The following CACNA2D3 variants were observed in gnomAD, a reference collection of about 807,000 sequenced individuals.
CACNA2D3 encodes the protein calcium voltage-gated channel auxiliary subunit alpha2delta 3.
CACNA2D3 carries 60 observed loss-of-function variants against 160.6 expected under a neutral mutation model. That is an observed-to-expected ratio of 0.37 (90% CI 0.30 to 0.46). The LOEUF (loss-of-function observed/expected upper bound fraction) is 0.46. Among genes scored for constraint, CACNA2D3 ranks in the 20% least tolerant of loss-of-function variants. The pLI is 1.00. For missense variants in CACNA2D3, 1,205 were observed against 1,365.0 expected (o/e 0.88, Z 1.85); for synonymous variants, 558 against 492.9 (o/e 1.13, Z -1.75).
chr3:54,793,405 G>A (rs575368739), intron 13 of CACNA2D3, among the ~76,000 whole-genome samples: 82 of 152,290 alleles, frequency 5.4e-4, no homozygotes, highest in Non-Finnish European at 8.5e-4. Context: ...CCCAGAATTC[G>A]TGGCTGTTTG....
intron 3 of CACNA2D3, among the ~76,000 whole-genome samples, chr3:54,359,706 C>T (rs1698710163): frequency 6.6e-6 from 1 of 152,194 alleles, no homozygotes; most frequent in African/African-American, 2.4e-5. Flanking sequence ...TCTCAGATGT[C>T]TTGCAGTAAA....
At chr3:54,588,642 T>A (rs1702806270) in intron 9 of CACNA2D3, among the ~76,000 whole-genome samples, 1 of 152,094 alleles carries the variant, frequency 6.6e-6, no homozygotes, top group Admixed American at 6.6e-5. Context: ...CCATCCTATT[T>A]CTCTACCTTA....
At chr3:54,159,924 A>T (rs965462079) in intron 2 of CACNA2D3, among the ~76,000 whole-genome samples, 1 of 152,246 alleles carries the variant, frequency 6.6e-6, no homozygotes, top group African/African-American at 2.4e-5. Context: ...AACATACTAC[A>T]AACATCCAGA....
intron 9 of CACNA2D3, among the ~76,000 whole-genome samples, chr3:54,597,677 G>A (rs894363855): frequency 6.6e-6 from 1 of 152,028 alleles, no homozygotes; most frequent in African/African-American, 2.4e-5. Flanking sequence ...TTGGGGAGAA[G>A]GTGAAAAATA....
chr3:54,582,479 A>C (rs1303054785), intron 9 of CACNA2D3, among the ~76,000 whole-genome samples: 1 of 152,238 alleles, frequency 6.6e-6, no homozygotes, highest in Non-Finnish European at 1.5e-5. Context: ...ACTTCTGTAA[A>C]ATAAATCCTG....
At chr3:54,700,071 A>G (rs1700739296) in intron 11 of CACNA2D3, among the ~76,000 whole-genome samples, 1 of 152,164 alleles carries the variant, frequency 6.6e-6, no homozygotes. Flanking sequence ...TTTATTATCT[A>G]CGTGCACTAC....
At chr3:55,067,101 C>CGGG (rs569501820) in intron 35 of CACNA2D3, among the ~76,000 whole-genome samples, 2,448 of 150,362 alleles carry the variant, frequency 0.016, 68 homozygotes, top group African/African-American at 0.057. Context: ...TCTTTTGTAG[C>CGGG]GGGGGGGGCT....
chr3:54,309,160 A>G (rs1373454639), intron 2 of CACNA2D3, among the ~76,000 whole-genome samples: 1 of 152,206 alleles, frequency 6.6e-6, no homozygotes, highest in African/African-American at 2.4e-5. Flanking sequence ...CAGGAATTGG[A>G]GTTTTTAAAA....
chr3:54,338,620 T>C (rs7652209), intron 3 of CACNA2D3, among the ~76,000 whole-genome samples: 101,296 of 151,770 alleles, frequency 0.67, 34,289 homozygotes, highest in Non-Finnish European at 0.74. Flanking sequence ...CCCAGCATGC[T>C]GTCCAAAGGG....
chr3:54,885,079 A>G (rs1699890082), intron 21 of CACNA2D3, among the ~76,000 whole-genome samples: 1 of 152,098 alleles, frequency 6.6e-6, no homozygotes, highest in African/African-American at 2.4e-5. Flanking sequence ...GGGCTGAGTG[A>G]GGTAGAGATG....
chr3:54,549,921 T>C (rs1483194702), intron 5 of CACNA2D3, among the ~76,000 whole-genome samples: 1 of 152,180 alleles, frequency 6.6e-6, no homozygotes, highest in Non-Finnish European at 1.5e-5. Flanking sequence ...TAAATTTCTT[T>C]CTCTCTTCCG....
At chr3:54,547,671 CCTT>C (rs1702086346) in intron 5 of CACNA2D3, among the ~76,000 whole-genome samples, 1 of 114,790 alleles carries the variant, frequency 8.7e-6, no homozygotes. Flanking sequence ...CTCCCCCAAC[CCTT>C]TTTTTTTTTT....
intron 2 of CACNA2D3, among the ~76,000 whole-genome samples, chr3:54,303,603 C>T (rs1042944869): frequency 6.6e-6 from 1 of 152,144 alleles, no homozygotes; most frequent in Non-Finnish European, 1.5e-5. Context: ...CATGATACCT[C>T]ACCCAGGGTG....
chr3:54,431,111 G>C (rs1411888754), intron 4 of CACNA2D3, among the ~76,000 whole-genome samples: 1 of 152,044 alleles, frequency 6.6e-6, no homozygotes, highest in Admixed American at 6.6e-5. Flanking sequence ...GGCTGAGGTG[G>C]GTGGATCATG....
chr3:54,185,704 T>C (rs1576985945), intron 2 of CACNA2D3, among the ~76,000 whole-genome samples: 1 of 152,292 alleles, frequency 6.6e-6, no homozygotes, highest in East Asian at 1.9e-4. Flanking sequence ...AAAGCAGCCA[T>C]AGACAATATT....
chr3:54,609,051 T>A lies in CACNA2D3; in HGVS notation c.964-18736T>A, dbSNP rs140251981. On this transcript the variant is annotated intron_variant, in intron 9 of 37. Transcript: ENST00000474759. ...ATCATGTCCCCCCAACAACTGTGTG[T>A]TTAAGCCCTAATCTTTAATGTGTAT... 2.5e-3 allele frequency among the ~76,000 whole-genome samples: 388 copies of A among 152,330 alleles called. 6 individuals are homozygous for A. Among genetic ancestry groups the A allele is most frequent in the East Asian group, 0.024 (124 of 5,178 alleles).
intron 13 of CACNA2D3, among the ~76,000 whole-genome samples, chr3:54,810,974 TG>T (rs1295574044): frequency 1.3e-5 from 2 of 152,214 alleles, no homozygotes; most frequent in East Asian, 3.9e-4. Context: ...CCTCACAGGT[TG>T]CCTGCGCTGG....
chr3:54,187,216 G>A (rs1179311862), intron 2 of CACNA2D3, among the ~76,000 whole-genome samples: 1 of 152,168 alleles, frequency 6.6e-6, no homozygotes, highest in African/African-American at 2.4e-5. Flanking sequence ...CCAGATGACT[G>A]TATCTGTGTC....
intron 11 of CACNA2D3, among the ~76,000 whole-genome samples, chr3:54,734,540 T>C (rs1408989785): frequency 6.6e-6 from 1 of 152,228 alleles, no homozygotes; most frequent in Non-Finnish European, 1.5e-5. Context: ...CTCTAAGGCA[T>C]GCATCCCTCT....
Sources: allele counts gnomAD v4.1 joint callset (sites outside exome capture counted in the v4.1 genomes callset), GRCh38; gene constraint gnomAD v4.1.1; transcripts MANE v1.5; gene names NCBI Gene and HGNC (gene_info 2026-07-23, HGNC 2026-07-21).